The following XPO4 variants were observed in gnomAD, a reference collection of about 807,000 sequenced individuals.
XPO4 encodes the protein exportin-4.
XPO4 carries 39 observed loss-of-function variants against 143.0 expected under a neutral mutation model. The observed-to-expected ratio is 0.27, with a 90% CI of 0.21 to 0.36. The LOEUF (loss-of-function observed/expected upper bound fraction) is 0.36. XPO4 is among the 10% of genes least tolerant of loss of function. The pLI, the probability that XPO4 is intolerant of heterozygous loss-of-function variation, is 1.00. For synonymous variants in XPO4, 439 were observed against 474.0 expected (o/e 0.93, Z 0.96); for missense variants, 907 against 1,348.0 (o/e 0.67, Z 5.12).
rs543677553 is a variant in XPO4 at position 20,780,100 on chromosome 13, A to G, written c.*3622T>C. The G allele has an allele frequency of 1.4e-4, 22 of 152,314 alleles. No individual in the cohort carries two copies. In the South Asian group the frequency reaches 4.6e-3, roughly 32 times the overall value. The allele number at this position is 152,314 out of a possible 1,614,324, so 9.4% of individuals were successfully genotyped here. A position where few individuals can be genotyped will look rare whatever the true frequency, so the allele number is the denominator to read the frequency against. On this transcript the variant is annotated 3_prime_UTR_variant, in exon 23 of 23. Transcript: ENST00000255305. ...ATTATAATGTTAAACCTCATAGCCA[A>G]ATCAGTTCCTTATTCTCTGGTTTTA...
At chr13:20,844,579 C>T (rs964931913) in intron 4 of XPO4, among the ~76,000 whole-genome samples, 6 of 152,144 alleles carry the variant, frequency 3.9e-5, no homozygotes, top group African/African-American at 1.4e-4. Flanking sequence ...ATGCACACTA[C>T]CTCTGAACAA....
chr13:20,799,234 C>G lies in XPO4; in HGVS notation c.2253G>C (p.Leu751Phe). ...AACCTCCTAAGACTAGAGCCTTCAT[C>G]AATGTCCTCTGCACAGGACTTGACA... Reference protein sequence around the residue: ...NFLSSPVQRTLMKALVLGGFA... With the variant: ...NFLSSPVQRTFMKALVLGGFA... The change falls in exon 16 of 23, where the codon TTG becomes TTC. Residue 751 changes from leucine (L) to phenylalanine (F), a missense_variant. By Grantham distance (22) the Leu-to-Phe change is conservative. Transcript: ENST00000255305. 1 of 1,613,740 alleles carries G rather than the reference C, an allele frequency of 6.2e-7. No individual in the cohort carries two copies. The highest frequency in any genetic ancestry group is 8.5e-7 in the Non-Finnish European group (1 of 1,179,714).
At position 20,808,600 on chromosome 13, in the gene XPO4, G is replaced by A; in HGVS notation, c.1494-19C>T. On this transcript the variant is annotated intron_variant, in intron 11 of 22. Transcript: ENST00000255305. ...TAATAAACTAAAAGAGAAGAAAACA[G>A]TAGCTTCATAAAGTTCAATAAGCAA... is the stretch of plus-strand genomic sequence containing the variant. 4 of 1,522,836 alleles carry A rather than the reference G, an allele frequency of 2.6e-6. No individual in the cohort carries two copies. Among genetic ancestry groups the A allele is most frequent in the Non-Finnish European group, 3.6e-6 (4 of 1,122,100 alleles). The allele number at this position is 1,522,836 out of a possible 1,614,324, so 94.3% of individuals were successfully genotyped here. A position where few individuals can be genotyped will look rare whatever the true frequency, so the allele number is the denominator to read the frequency against.
In XPO4 at chr13:20,827,111, G is replaced by T; in HGVS notation, c.796C>A (p.Arg266=). The change falls in exon 7 of 23, where the codon CGG becomes AGG. Residue 266 remains arginine, a synonymous_variant. Transcript: ENST00000255305. ...NVLLKPTESW[R]ETLLDSRVME... ...ACTCTGCTGTCCAGAAGAGTCTCCC[G>T]CCAGGACTCTGTTGGCTTCAACAGC... The T allele has an allele frequency of 6.2e-7, 1 of 1,613,804 alleles. No individual in the cohort carries two copies. Among genetic ancestry groups the T allele is most frequent in the East Asian group, 2.2e-5 (1 of 44,854 alleles).
At chr13:20,810,003 G>C (rs1566574798) in intron 9 of XPO4, 36 bp from the exon 10 acceptor site, 1 of 1,539,204 alleles carries the variant, frequency 6.5e-7, no homozygotes. Flanking sequence ...CAAATGTCCA[G>C]AGAACGACAA....
chr13:20,837,615 T>C (rs971303989), intron 6 of XPO4, among the ~76,000 whole-genome samples: 14 of 152,132 alleles, frequency 9.2e-5, no homozygotes, highest in African/African-American at 3.4e-4. Context: ...TCTCAGGCTG[T>C]TGATAAACAC....
At chr13:20,806,735 TA>T (rs1253294806) in intron 13 of XPO4, among the ~76,000 whole-genome samples, 1 of 151,670 alleles carries the variant, frequency 6.6e-6, no homozygotes, top group Non-Finnish European at 1.5e-5. Context: ...GCAGGTTTAG[TA>T]GAGACAGGGT....
intron 3 of XPO4, among the ~76,000 whole-genome samples, chr13:20,859,021 C>T (rs2060171351): frequency 6.6e-6 from 1 of 151,572 alleles, no homozygotes; most frequent in African/African-American, 2.4e-5. Flanking sequence ...TCTAAATTAT[C>T]AAAATGATTT....
intron 6 of XPO4, among the ~76,000 whole-genome samples, chr13:20,831,704 C>A (rs923250722): frequency 6.6e-6 from 1 of 151,890 alleles, no homozygotes; most frequent in Non-Finnish European, 1.5e-5. Context: ...CTTTTGCTAA[C>A]CCTTTATCTT....
At chr13:20,881,307 C>T (rs1338620703) in intron 1 of XPO4, among the ~76,000 whole-genome samples, 1 of 151,762 alleles carries the variant, frequency 6.6e-6, no homozygotes. Context: ...CTCGCTCTGT[C>T]GCCCAGGCTG....
At position 20,864,179 on chromosome 13, in the gene XPO4, T is replaced by A. The variant is rs992856594; in HGVS notation, c.176-1321A>T. 1.5e-4 allele frequency among the ~76,000 whole-genome samples: 23 copies of A among 151,808 alleles called. 1 individual carries two copies. Among genetic ancestry groups the A allele is most frequent in the Non-Finnish European group, 1.5e-5 (1 of 67,934 alleles). Reference sequence around the variant, plus strand: ...AAATAATTAAAATAAAGGAATAGCTTCTAAAAATGTGAACCTATTAGAAAA... The same window carrying A: ...AAATAATTAAAATAAAGGAATAGCTACTAAAAATGTGAACCTATTAGAAAA... On this transcript the variant is annotated intron_variant, in intron 2 of 22. Transcript: ENST00000255305.
intron 1 of XPO4, among the ~76,000 whole-genome samples, chr13:20,896,603 C>A (rs1712499314): frequency 6.6e-6 from 1 of 152,144 alleles, no homozygotes; most frequent in African/African-American, 2.4e-5. Flanking sequence ...TTCCAAAGAA[C>A]TAATGGTTCC....
chr13:20,849,668 TA>T, intron 4 of XPO4: 1 of 984,744 alleles, frequency 1.0e-6, no homozygotes, highest in Non-Finnish European at 1.2e-6. Context: ...CATACAGGCA[TA>T]AATTAACTAA....
In XPO4 at chr13:20,809,816, G is replaced by A; in HGVS notation, c.1325C>T (p.Ala442Val). The A allele has an allele frequency of 6.2e-7, 1 of 1,611,802 alleles. No homozygotes were observed. Among genetic ancestry groups the A allele is most frequent in the South Asian group, 1.1e-5 (1 of 90,646 alleles). ...CAAATTTCTTGTGCCATCTGGAGCA[G>A]CTAGGTGGCACTGAATATAGGAATT... is the stretch of plus-strand genomic sequence containing the variant. Reference protein sequence around the residue: ...VFNSYIQCHLAAPDGTRNLTA... With the variant: ...VFNSYIQCHLVAPDGTRNLTA... Residue 442 changes from alanine to valine, a missense_variant, in exon 10 of 23, where the codon GCT (alanine) becomes GTT (valine). Physicochemically the swap from Ala to Val is moderately conservative, Grantham distance 64 (BLOSUM62 0). Transcript: ENST00000255305.
chr13:20,795,976 T>C (rs2059353301), intron 18 of XPO4, 100 bp downstream of exon 18: 3 of 1,265,460 alleles, frequency 2.4e-6, no homozygotes, highest in East Asian at 2.4e-5. Context: ...ATTCCATAAA[T>C]TGAATTTCCT....
chr13:20,880,803 C>A (rs990515554), intron 1 of XPO4, among the ~76,000 whole-genome samples: 1 of 151,894 alleles, frequency 6.6e-6, no homozygotes, highest in African/African-American at 2.4e-5. Context: ...CGAACACATA[C>A]AAAAGTTAGC....
chr13:20,819,243 T>C (rs1312026877), intron 9 of XPO4, among the ~76,000 whole-genome samples: 12 of 152,242 alleles, frequency 7.9e-5, no homozygotes, highest in Admixed American at 7.9e-4. Context: ...CTTGAACTCT[T>C]GCTCTTCATG....
chr13:20,845,949 A>G (rs1305000310), intron 4 of XPO4, among the ~76,000 whole-genome samples: 3 of 152,254 alleles, frequency 2.0e-5, no homozygotes, highest in Non-Finnish European at 4.4e-5. Context: ...ATAAAACATT[A>G]TAAACACATC....
intron 7 of XPO4, 77 bp downstream of exon 7, chr13:20,826,990 G>A: frequency 1.0e-6 from 1 of 992,020 alleles, no homozygotes; most frequent in Non-Finnish European, 1.6e-6. Flanking sequence ...AATCTGTTCT[G>A]TTTTACTTAA....
Sources: gnomAD v4.1 joint callset for allele counts (sites outside exome capture counted in the v4.1 genomes callset) on GRCh38, gnomAD v4.1.1 for gene constraint, MANE v1.5 for transcripts, NCBI Gene and HGNC (gene_info 2026-07-23, HGNC 2026-07-21) for gene names.